Variants in PALD1 observed in about 807,000 individuals in gnomAD.
PALD1 encodes paladin.
PALD1 carries 57 observed loss-of-function variants against 96.0 expected under a neutral mutation model. The observed-to-expected ratio is 0.59, with a 90% CI of 0.48 to 0.74. PALD1 has a LOEUF of 0.74. PALD1 is among the 30% of genes least tolerant of loss of function. PALD1 has a pLI of 0.00. For missense variants in PALD1, 1,063 were observed against 1,143.7 expected, an observed-to-expected ratio of 0.93 and a Z score of 1.02; for synonymous variants, 464 against 473.6, an observed-to-expected ratio of 0.98 and a Z score of 0.26.
chr10:70,510,495 C>T (rs1440873901), intron 1 of PALD1, among the ~76,000 whole-genome samples: 1 of 152,186 alleles, frequency 6.6e-6, no homozygotes, highest in Non-Finnish European at 1.5e-5. Context: ...AGGCATTTGC[C>T]CCCAACACCT....
intron 12 of PALD1, 43 bp downstream of exon 12, chr10:70,538,451 C>G: frequency 6.3e-7 from 1 of 1,585,274 alleles, no homozygotes; most frequent in Admixed American, 1.7e-5. Context: ...TGGCTGTGTA[C>G]TGGCCCTGGC....
intron 18 of PALD1, among the ~76,000 whole-genome samples, chr10:70,548,187 C>A (rs1242049326): frequency 6.6e-6 from 1 of 152,038 alleles, no homozygotes. Flanking sequence ...CGCCTGTAGT[C>A]CCAGCTACTC....
intron 18 of PALD1, among the ~76,000 whole-genome samples, chr10:70,550,261 C>A (rs1847455074): frequency 6.6e-6 from 1 of 152,140 alleles, no homozygotes; most frequent in Admixed American, 6.5e-5. Context: ...TTGAAGTCTC[C>A]CAGGTGATTC....
chr10:70,553,455 C>T (rs7100170), intron 18 of PALD1, among the ~76,000 whole-genome samples: 52,961 of 151,908 alleles, frequency 0.35, 9,691 homozygotes, highest in Middle Eastern at 0.41. Context: ...GAGGCTCATG[C>T]GGAGGGACAG....
At chr10:70,537,500 C>T (rs900667026) in intron 10 of PALD1, among the ~76,000 whole-genome samples, 5 of 152,196 alleles carry the variant, frequency 3.3e-5, no homozygotes, top group African/African-American at 9.7e-5. Context: ...TGTTGGGTGT[C>T]GCTGGAGCTA....
intron 1 of PALD1, among the ~76,000 whole-genome samples, chr10:70,491,535 G>T (rs958130354): frequency 7.9e-5 from 12 of 152,158 alleles, no homozygotes; most frequent in Non-Finnish European, 1.6e-4. Flanking sequence ...GGCTCAAATT[G>T]TAGGGCACTG....
chr10:70,470,711 C>T, the PALD1 span, among the ~76,000 whole-genome samples: 2 of 150,806 alleles, frequency 1.3e-5, no homozygotes. Flanking sequence ...TGGGTTCAAG[C>T]GATTCTCCTG....
the PALD1 span, among the ~76,000 whole-genome samples, chr10:70,461,993 A>G: frequency 3.9e-5 from 6 of 152,062 alleles, no homozygotes; most frequent in Non-Finnish European, 7.4e-5. Flanking sequence ...GAGTTTCACC[A>G]TGTTGCCCAG....
chr10:70,510,310 G>A (rs756436006), intron 1 of PALD1, among the ~76,000 whole-genome samples: 1 of 152,150 alleles, frequency 6.6e-6, no homozygotes, highest in African/African-American at 2.4e-5. Flanking sequence ...GTCACTCTGG[G>A]TCTAGTCCCT....
At chr10:70,545,459 A>T (rs980710380) in intron 17 of PALD1, among the ~76,000 whole-genome samples, 2 of 152,020 alleles carry the variant, frequency 1.3e-5, no homozygotes, top group Non-Finnish European at 2.9e-5. Flanking sequence ...TGCCAGCTGT[A>T]GAGAGGTGCA....
intron 18 of PALD1, among the ~76,000 whole-genome samples, chr10:70,562,910 G>C (rs1470298669): frequency 6.6e-6 from 1 of 152,028 alleles, no homozygotes; most frequent in Middle Eastern, 3.2e-3. Flanking sequence ...GGAGAACCTA[G>C]AAGGGACCCT....
chr10:70,557,185 C>T (rs1197542911), intron 18 of PALD1, among the ~76,000 whole-genome samples: 2 of 152,232 alleles, frequency 1.3e-5, no homozygotes, highest in African/African-American at 2.4e-5. Flanking sequence ...CTTTGGCCTG[C>T]TGGACCCCTG....
chr10:70,498,930 G>A (rs62862062), intron 1 of PALD1, among the ~76,000 whole-genome samples: 7,554 of 73,908 alleles, frequency 0.1, 593 homozygotes, highest in African/African-American at 0.28. Flanking sequence ...CTTTATCTCA[G>A]AAAAAAAAAA....
At chr10:70,563,731 T>G (rs768539721) in intron 18 of PALD1, among the ~76,000 whole-genome samples, 51 of 152,142 alleles carry the variant, frequency 3.4e-4, no homozygotes, top group Non-Finnish European at 5.0e-4. Context: ...GTTTCTCCCC[T>G]TCAAGGCTGG....
chr10:70,465,006 G>A, the PALD1 span, among the ~76,000 whole-genome samples: 28 of 150,400 alleles, frequency 1.9e-4, no homozygotes, highest in East Asian at 4.5e-3. Flanking sequence ...ATGGAGTCTC[G>A]CTCTGTTGCC....
intron 1 of PALD1, among the ~76,000 whole-genome samples, chr10:70,512,983 T>G (rs74139665): frequency 0.031 from 4,688 of 152,322 alleles, 246 homozygotes; most frequent in African/African-American, 0.1. Context: ...AAAACTATGA[T>G]GATCATACAG....
chr10:70,474,761 A>G (rs1038121673), upstream of PALD1, among the ~76,000 whole-genome samples: 1 of 152,224 alleles, frequency 6.6e-6, no homozygotes, highest in African/African-American at 2.4e-5. Context: ...AAAGAAGGAT[A>G]TAATCAATAA....
chr10:70,500,566 G>C (rs1310468881), intron 1 of PALD1, among the ~76,000 whole-genome samples: 2 of 152,094 alleles, frequency 1.3e-5, no homozygotes, highest in African/African-American at 4.8e-5. Context: ...ATCAAATGTT[G>C]CTCATCCTTT....
chr10:70,461,787 T>C, the PALD1 span, among the ~76,000 whole-genome samples: 1 of 152,104 alleles, frequency 6.6e-6, no homozygotes, highest in Non-Finnish European at 1.5e-5. Flanking sequence ...GATTTTTTTG[T>C]TTTTTGTTTT....
Sources: gnomAD v4.1 joint callset for allele counts (sites outside exome capture counted in the v4.1 genomes callset) on GRCh38, gnomAD v4.1.1 for gene constraint, MANE v1.5 for transcripts, NCBI Gene and HGNC (gene_info 2026-07-23, HGNC 2026-07-21) for gene names.